The following SRGAP2C variants were observed in gnomAD, a reference collection of about 807,000 sequenced individuals.
The protein encoded by SRGAP2C is SLIT-ROBO Rho GTPase-activating protein 2C.
In SRGAP2C, 15 loss-of-function variants were observed where a neutral mutation model predicts 25.1. The observed-to-expected ratio is 0.60, with a 90% CI of 0.40 to 0.92. The LOEUF (loss-of-function observed/expected upper bound fraction) is 0.92. SRGAP2C is among the 40% of genes least tolerant of loss of function. SRGAP2C has a pLI of 0.00. For synonymous variants in SRGAP2C, 44 were observed against 96.6 expected (o/e 0.46, Z 3.19); for missense variants, 144 against 264.4 (o/e 0.54, Z 3.16).
chr1:121,345,536 C>T (rs1553343611), intron 4 of SRGAP2C, among the ~76,000 whole-genome samples: 2 of 150,922 alleles, frequency 1.3e-5, no homozygotes, highest in African/African-American at 4.9e-5. Context: ...AATCAATAAG[C>T]AGGGTTTACA....
intron 5 of SRGAP2C, among the ~76,000 whole-genome samples, chr1:121,370,727 A>G (rs1161259324): frequency 1.3e-5 from 2 of 151,840 alleles, no homozygotes; most frequent in Non-Finnish European, 2.9e-5. Context: ...TACAGGCATG[A>G]GCCACCATGC....
Position 121,263,174 on chromosome 1 carries a change from C to T in SRGAP2C, c.68-21629C>T, listed in dbSNP as rs587687599. ...TTTGAGACCAGCCTGGCCAACATAG[C>T]GAAATCCTGTCTCTACTAAAATACT... On this transcript the variant is annotated intron_variant, in intron 2 of 9. Transcript: ENST00000367123. Among the ~76,000 whole-genome samples, 101 of 150,644 alleles carry T rather than the reference C, an allele frequency of 6.7e-4. 1 individual carries two copies. Among genetic ancestry groups the T allele is most frequent in the African/African-American group, 2.3e-3 (93 of 41,274 alleles).
chr1:121,206,544 G>C (rs1439100157), intron 2 of SRGAP2C, among the ~76,000 whole-genome samples: 1 of 151,460 alleles, frequency 6.6e-6, no homozygotes, highest in Non-Finnish European at 1.5e-5. Flanking sequence ...GTTGCTCTGA[G>C]TTGCCTGGCT....
chr1:121,279,750 G>A (rs1426946549), intron 2 of SRGAP2C, among the ~76,000 whole-genome samples: 4 of 141,940 alleles, frequency 2.8e-5, no homozygotes, highest in African/African-American at 1.1e-4. Flanking sequence ...AACACTCCCT[G>A]GCAGGTCTTT....
At chr1:121,286,403 A>T (rs1657368258) in intron 3 of SRGAP2C, among the ~76,000 whole-genome samples, 1 of 151,176 alleles carries the variant, frequency 6.6e-6, no homozygotes. Context: ...GGTGTGCACC[A>T]TCATACCCAG....
chr1:121,384,920 G>A (rs1297550096), intron 8 of SRGAP2C, among the ~76,000 whole-genome samples: 1 of 152,162 alleles, frequency 6.6e-6, no homozygotes, highest in African/African-American at 2.4e-5. Flanking sequence ...CTTCTGCCAG[G>A]GCCCTCCCTT....
chr1:121,275,111 G>A (rs1253929282), intron 2 of SRGAP2C, among the ~76,000 whole-genome samples: 5 of 139,326 alleles, frequency 3.6e-5, no homozygotes, highest in African/African-American at 1.3e-4. Flanking sequence ...ATGTAGTCTG[G>A]GACCATTATT....
At chr1:121,285,400 T>TCACACACA (rs1206046698) in intron 3 of SRGAP2C, among the ~76,000 whole-genome samples, 64 of 64,506 alleles carry the variant, frequency 9.9e-4, no homozygotes, top group East Asian at 6.8e-3. Flanking sequence ...TGTCTCTCTC[T>TCACACACA]CTCTCACACA....
rs1656048368 is a variant in SRGAP2C, at chr1:121,239,216, ATATATATATATAC to A, written c.68-45574_68-45562del. 4.8e-4 allele frequency among the ~76,000 whole-genome samples: 3 copies of A among 6,262 alleles called. 1 individual carries two copies. The highest frequency in any genetic ancestry group is 6.9e-3 in the South Asian group (2 of 290). 4.1% of individuals were successfully genotyped at this position (6,262 alleles called of 152,430 possible). ...TATATATATATATATATATATATAT[ATATATATATATAC>A]TATATATATATATATACTATATATA... On this transcript the variant is annotated intron_variant, in intron 2 of 9. Transcript: ENST00000367123.
In SRGAP2C at chr1:121,184,986, G is replaced by A. The variant is rs587604706; in HGVS notation, c.-681G>A. The A allele has an allele frequency of 1.6e-5, 8 of 513,854 alleles. 1 individual carries two copies. Among genetic ancestry groups the A allele is most frequent in the African/African-American group, 8.2e-5 (4 of 48,524 alleles). 31.8% of individuals were successfully genotyped at this position (513,854 alleles called of 1,614,324 possible). A position where few individuals can be genotyped will look rare whatever the true frequency, so the allele number is the denominator to read the frequency against. On this transcript the variant is annotated 5_prime_UTR_variant, in exon 1 of 10. Transcript: ENST00000367123. The stretch of plus-strand genomic sequence containing the variant: ...CTCTACTTCCCGGCGGGGTCCTGCG[G>A]AGTTGGCGGAGGCGGCGGAGGCTCC...
intron 2 of SRGAP2C, among the ~76,000 whole-genome samples, chr1:121,224,132 G>T (rs1553326168): frequency 1.3e-5 from 2 of 148,444 alleles, no homozygotes. Flanking sequence ...TCATCTCACT[G>T]GTGAGGCTCA....
rs1660072564 is a variant in SRGAP2C, at chr1:121,391,239, A to T, written c.*3384A>T. On this transcript the variant is annotated 3_prime_UTR_variant, in exon 10 of 10. Transcript: ENST00000367123. ...AGCTGGGCGTGGTGGCGCATGCCTC[A>T]TTCACGTACATGGGAGAGTCTACAA... 1 of 151,778 alleles carries T rather than the reference A, an allele frequency of 6.6e-6. No individual in the cohort carries two copies. Among genetic ancestry groups the T allele is most frequent in the South Asian group, 2.1e-4 (1 of 4,824 alleles). 9.4% of individuals were successfully genotyped at this position (151,778 alleles called of 1,614,324 possible).
chr1:121,357,616 T>C (rs1553347865), intron 4 of SRGAP2C, among the ~76,000 whole-genome samples: 1 of 137,526 alleles, frequency 7.3e-6, no homozygotes. Context: ...AAGAAAAAGA[T>C]TATGCAACAG....
In SRGAP2C at chr1:121,184,987, A is replaced by C. The variant is rs1351138419; in HGVS notation, c.-680A>C. 4 of 509,716 alleles carry C rather than the reference A, an allele frequency of 7.8e-6. No homozygotes were observed. Among genetic ancestry groups the C allele is most frequent in the African/African-American group, 6.2e-5 (3 of 48,142 alleles). 31.6% of individuals were successfully genotyped at this position (509,716 alleles called of 1,614,324 possible). ...TCTACTTCCCGGCGGGGTCCTGCGGAGTTGGCGGAGGCGGCGGAGGCTCCT... is the reference window on the plus strand; with the variant it reads ...TCTACTTCCCGGCGGGGTCCTGCGGCGTTGGCGGAGGCGGCGGAGGCTCCT... On this transcript the variant is annotated 5_prime_UTR_variant, in exon 1 of 10. Coordinates refer to ENST00000367123, the MANE Select transcript of SRGAP2C (RefSeq NM_001329984.2).
intron 2 of SRGAP2C, among the ~76,000 whole-genome samples, chr1:121,192,004 A>G (rs1181828004): frequency 2.6e-5 from 4 of 151,302 alleles, no homozygotes; most frequent in Non-Finnish European, 5.9e-5. Context: ...GAAAAAGTGC[A>G]GGCCTTTGCT....
intron 3 of SRGAP2C, among the ~76,000 whole-genome samples, chr1:121,304,066 C>T (rs1223668345): frequency 3.3e-5 from 5 of 151,776 alleles, no homozygotes; most frequent in Non-Finnish European, 5.9e-5. Context: ...AAAAAATTAG[C>T]CGGGCATGGT....
intron 6 of SRGAP2C, 30 bp from the exon 7 acceptor site, chr1:121,374,796 G>A (rs1276483388): frequency 1.3e-6 from 1 of 756,724 alleles, no homozygotes; most frequent in East Asian, 2.5e-5. Context: ...TAAAAAAAAA[G>A]GTAAAAGTGA....
intron 2 of SRGAP2C, among the ~76,000 whole-genome samples, chr1:121,244,401 G>T (rs1656192752): frequency 8.9e-6 from 1 of 112,586 alleles, no homozygotes; most frequent in South Asian, 2.9e-4. Flanking sequence ...ACGTCAAATT[G>T]TTGGATATTT....
chr1:121,313,880 T>C (rs1187902639), intron 3 of SRGAP2C, among the ~76,000 whole-genome samples: 1 of 131,842 alleles, frequency 7.6e-6, no homozygotes, highest in African/African-American at 2.8e-5. Context: ...ATTTCAACTT[T>C]GGTGAATCTG....
Sources: allele counts gnomAD v4.1 joint callset (sites outside exome capture counted in the v4.1 genomes callset), GRCh38; gene constraint gnomAD v4.1.1; transcripts MANE v1.5; gene names NCBI Gene and HGNC (gene_info 2026-07-23, HGNC 2026-07-21).